The following SYN3 variants were observed in gnomAD, a reference collection of about 807,000 sequenced individuals.
SYN3 encodes the protein synapsin III.
SYN3 carries 35 observed loss-of-function variants against 65.8 expected under a neutral mutation model. That is an observed-to-expected ratio of 0.53 (90% CI 0.41 to 0.70). The LOEUF is 0.70. SYN3 is among the 30% of genes least tolerant of loss of function. SYN3 has a pLI of 0.00. For synonymous variants in SYN3, 270 were observed against 292.9 expected, an observed-to-expected ratio of 0.92 and a Z score of 0.80; for missense variants, 680 against 749.0, an observed-to-expected ratio of 0.91 and a Z score of 1.08.
intron 6 of SYN3, among the ~76,000 whole-genome samples, chr22:32,782,167 C>T (rs1443861938): frequency 6.6e-6 from 1 of 151,756 alleles, no homozygotes; most frequent in African/African-American, 2.4e-5. Context: ...CTCCTGGTTT[C>T]AAGCGATTCT....
Position 32,841,136 on chromosome 22 carries a change from T to C in SYN3, c.711+23779A>G, listed in dbSNP as rs536244206. On this transcript the variant is annotated intron_variant, in intron 6 of 13. Transcript: ENST00000358763. ...ACAAGAAATCACACGTAGCTTCCCA[T>C]ATTCAGCAAATACATATGAGGTGCC... 2.2e-3 allele frequency among the ~76,000 whole-genome samples: 334 copies of C among 152,362 alleles called. 1 individual carries two copies. Among genetic ancestry groups the C allele is most frequent in the African/African-American group, 7.7e-3 (321 of 41,582 alleles).
At chr22:32,654,141 A>C (rs1474733327) in intron 6 of SYN3, among the ~76,000 whole-genome samples, 1 of 152,206 alleles carries the variant, frequency 6.6e-6, no homozygotes, top group Non-Finnish European at 1.5e-5. Flanking sequence ...CACAGCAACA[A>C]GGTAAGTCGG....
chr22:32,739,173 C>T (rs1407133014), intron 6 of SYN3, among the ~76,000 whole-genome samples: 2 of 128,320 alleles, frequency 1.6e-5, no homozygotes, highest in African/African-American at 5.2e-5. Flanking sequence ...AATTGAATCA[C>T]AGGGGGGGGG....
chr22:32,946,481 G>C (rs2051114897), intron 3 of SYN3, among the ~76,000 whole-genome samples: 1 of 146,772 alleles, frequency 6.8e-6, no homozygotes, highest in African/African-American at 2.5e-5. Flanking sequence ...TCATAGGTGG[G>C]AATTGAACAA....
At chr22:32,911,389 G>A (rs902708789) in intron 4 of SYN3, among the ~76,000 whole-genome samples, 21 of 152,192 alleles carry the variant, frequency 1.4e-4, no homozygotes, top group African/African-American at 4.8e-4. Context: ...GGAGGACACC[G>A]TATGCCTTTG....
chr22:32,837,864 T>C lies in SYN3; in HGVS notation c.711+27051A>G, dbSNP rs184219982. Among the ~76,000 whole-genome samples, 13 of 152,314 alleles carry C rather than the reference T, an allele frequency of 8.5e-5. No individual in the cohort carries two copies. Among genetic ancestry groups the C allele is most frequent in the Admixed American group, 1.3e-4 (2 of 15,310 alleles). On this transcript the variant is annotated intron_variant, in intron 6 of 13. Coordinates refer to ENST00000358763, the MANE Select transcript of SYN3 (RefSeq NM_003490.4). This position sits in a 1 kb window ranked among gnomAD's most constrained non-coding sequence, Gnocchi z 4.1. ...CACTGCAAGGCACCCCTGTACTTTG[T>C]TGGACTCTCTGTTTTCTGTCTCTCC... is the stretch of plus-strand genomic sequence containing the variant.
intron 6 of SYN3, among the ~76,000 whole-genome samples, chr22:32,738,268 C>T (rs990515886): frequency 1.3e-5 from 2 of 152,142 alleles, no homozygotes; most frequent in Non-Finnish European, 2.9e-5. Flanking sequence ...CAGCCCTAAG[C>T]GACTCTACTA....
intron 1 of SYN3, among the ~76,000 whole-genome samples, chr22:33,042,046 C>T (rs1163098212): frequency 6.6e-6 from 1 of 152,168 alleles, no homozygotes; most frequent in Non-Finnish European, 1.5e-5. Context: ...CCTTTGGAAG[C>T]TGATTAGGTC....
intron 3 of SYN3, among the ~76,000 whole-genome samples, chr22:32,962,129 CTTTT>C (rs58025844): frequency 7.7e-4 from 83 of 107,200 alleles, no homozygotes; most frequent in Admixed American, 3.0e-3. Context: ...TTTAGAATCT[CTTTT>C]TTTTTTTTTT....
intron 7 of SYN3, 115 bp from the exon 8 acceptor site, chr22:32,541,828 G>T: frequency 8.1e-7 from 1 of 1,229,814 alleles, no homozygotes; most frequent in Non-Finnish European, 1.1e-6. Flanking sequence ...AAGGTCACCT[G>T]CTGGCAGGGG....
chr22:32,808,785 T>C (rs924981735), intron 6 of SYN3, among the ~76,000 whole-genome samples: 3 of 152,184 alleles, frequency 2.0e-5, no homozygotes, highest in Admixed American at 6.5e-5. Context: ...ATTTTAAGCA[T>C]GCTGAAAAAC....
intron 4 of SYN3, among the ~76,000 whole-genome samples, chr22:32,885,240 T>C (rs759444375): frequency 2.0e-5 from 3 of 152,170 alleles, no homozygotes; most frequent in African/African-American, 7.2e-5. Context: ...ATAACAGTGA[T>C]GACTAAATCA....
intron 6 of SYN3, among the ~76,000 whole-genome samples, chr22:32,659,777 C>T (rs968113105): frequency 1.3e-5 from 2 of 152,134 alleles, no homozygotes; most frequent in Non-Finnish European, 2.9e-5. Context: ...CTGGATTCTG[C>T]CAGGCAACCA....
At chr22:32,736,905 T>G (rs1310962279) in intron 6 of SYN3, among the ~76,000 whole-genome samples, 1 of 152,120 alleles carries the variant, frequency 6.6e-6, no homozygotes, top group Non-Finnish European at 1.5e-5. Flanking sequence ...TCAAATGCTC[T>G]CCTATTCTTT....
chr22:32,611,258 A>G (rs1394768470), intron 6 of SYN3, among the ~76,000 whole-genome samples: 4 of 137,730 alleles, frequency 2.9e-5, no homozygotes, highest in Non-Finnish European at 6.2e-5. Flanking sequence ...TTGAGAGCAG[A>G]GGGCTTCAGC....
intron 6 of SYN3, among the ~76,000 whole-genome samples, chr22:32,682,750 G>T (rs1480574641): frequency 1.4e-4 from 4 of 28,108 alleles, no homozygotes; most frequent in Admixed American, 4.8e-4. Context: ...TTTATTCTGG[G>T]TGATGTTATT....
chr22:32,956,694 G>C (rs1342626951), intron 3 of SYN3, among the ~76,000 whole-genome samples: 1 of 152,092 alleles, frequency 6.6e-6, no homozygotes, highest in Non-Finnish European at 1.5e-5. Flanking sequence ...TGGACATCTG[G>C]GTTGTTTCCA....
intron 6 of SYN3, among the ~76,000 whole-genome samples, chr22:32,679,048 C>CTTTTTTTTTTTTTTTTTTTTTTTT (rs145971116): frequency 1.1e-4 from 9 of 85,658 alleles, no homozygotes; most frequent in Non-Finnish European, 1.5e-4. Flanking sequence ...TTGTTTCTTT[C>CTTTTTTTTTTTTTTTTTTTTTTTT]TTTTTTTTTT....
At chr22:32,954,964 T>G (rs2051405914) in intron 3 of SYN3, among the ~76,000 whole-genome samples, 1 of 151,392 alleles carries the variant, frequency 6.6e-6, no homozygotes. Context: ...TCTTTTCATT[T>G]TAAAGGTCCA....
Sources: gnomAD v4.1 joint callset for allele counts (sites outside exome capture counted in the v4.1 genomes callset) on GRCh38, gnomAD v4.1.1 for gene constraint, Gnocchi (gnomAD v3.1) non-coding constraint, MANE v1.5 for transcripts, NCBI Gene and HGNC (gene_info 2026-07-23, HGNC 2026-07-21) for gene names.